MSI2: variants seen among roughly 807,000 people sequenced by gnomAD.
MSI2 encodes musashi RNA binding protein 2.
Under a neutral mutation model 45.6 loss-of-function variants are expected in MSI2, and 17 were observed. That is an observed-to-expected ratio of 0.37 (90% CI 0.26 to 0.56). The LOEUF (loss-of-function observed/expected upper bound fraction) is 0.56. MSI2 is among the 20% of genes least tolerant of loss of function. The pLI is 0.77. For missense variants in MSI2, 293 were observed against 444.2 expected (o/e 0.66, Z 3.06); for synonymous variants, 156 against 158.2 (o/e 0.99, Z 0.11).
At chr17:57,697,325 C>T in the MSI2 span, among the ~76,000 whole-genome samples, 1 of 151,916 alleles carries the variant, frequency 6.6e-6, no homozygotes, top group East Asian at 1.9e-4. Context: ...ACTCACTTTA[C>T]TCACACTCAG....
At chr17:57,541,989 G>A (rs1209050597) in intron 7 of MSI2, among the ~76,000 whole-genome samples, 1 of 152,162 alleles carries the variant, frequency 6.6e-6, no homozygotes. Flanking sequence ...GCTGACATCC[G>A]ATTTATTATC....
chr17:57,270,526 AT>A (rs1489149870), intron 5 of MSI2, among the ~76,000 whole-genome samples: 1 of 152,192 alleles, frequency 6.6e-6, no homozygotes, highest in African/African-American at 2.4e-5. Flanking sequence ...CTTCAGGTTA[AT>A]TTTTGTTACC....
intron 5 of MSI2, among the ~76,000 whole-genome samples, chr17:57,386,047 TG>T (rs1246517214): frequency 6.6e-6 from 1 of 152,204 alleles, no homozygotes; most frequent in Non-Finnish European, 1.5e-5. Context: ...TGAATGCCAG[TG>T]GTTTCTGGCC....
chr17:57,623,429 C>G (rs1401453931), intron 9 of MSI2, among the ~76,000 whole-genome samples: 1 of 152,142 alleles, frequency 6.6e-6, no homozygotes, highest in African/African-American at 2.4e-5. Flanking sequence ...GATCTAGAAC[C>G]AGAACCACAG....
chr17:57,675,067 G>C lies in MSI2; in HGVS notation c.886G>C (p.Gly296Arg). The change falls in exon 12 of 14, where the codon GGG (glycine) becomes CGG (arginine). Residue 296 changes from glycine (G) to arginine (R), a missense_variant. Transcript: ENST00000284073. The stretch of plus-strand genomic sequence containing the variant: ...CCCTGCCAGCCAGGACTCCGGAGTG[G>C]GGAATTACATAAGTGCGGCCAGCCC... ...YGPASQDSGV[G>R]NYISAASPQP... is the part of the protein sequence containing the mutation. 6.2e-7 allele frequency: 1 copy of C among 1,614,122 alleles called. No homozygotes were observed. The highest frequency in any genetic ancestry group is 1.1e-5 in the South Asian group (1 of 91,078).
chr17:57,671,929 G>A (rs941115458), intron 11 of MSI2, among the ~76,000 whole-genome samples: 1 of 152,208 alleles, frequency 6.6e-6, no homozygotes, highest in Non-Finnish European at 1.5e-5. Flanking sequence ...TCTGCTCACA[G>A]AGACAGACAG....
rs73992103 is a variant in MSI2, at chr17:57,621,044, T to A, written c.652+4960T>A. On this transcript the variant is annotated intron_variant, in intron 9 of 13. Transcript: ENST00000284073. ...ACTCTCTAAGCGAGGAGACTGCCATTTGCTGTGCTATGATGGAAGCCCTTG... is the reference window on the plus strand; with the variant it reads ...ACTCTCTAAGCGAGGAGACTGCCATATGCTGTGCTATGATGGAAGCCCTTG... 9.3e-3 allele frequency among the ~76,000 whole-genome samples: 1,412 copies of A among 152,336 alleles called. 16 individuals are homozygous for A. The highest frequency in any genetic ancestry group is 0.032 in the African/African-American group (1,324 of 41,572).
intron 11 of MSI2, among the ~76,000 whole-genome samples, chr17:57,660,317 G>A (rs1026326262): frequency 6.6e-6 from 1 of 152,180 alleles, no homozygotes; most frequent in Non-Finnish European, 1.5e-5. Flanking sequence ...CTAAGGCTGG[G>A]GTTACAAAAC....
chr17:57,454,940 T>C (rs572137534), intron 6 of MSI2, among the ~76,000 whole-genome samples: 1 of 152,344 alleles, frequency 6.6e-6, no homozygotes, highest in Admixed American at 6.5e-5. Flanking sequence ...ATACCAGCCC[T>C]GCCTGCTGCT....
At chr17:57,329,672 C>T (rs888694835) in intron 5 of MSI2, among the ~76,000 whole-genome samples, 14 of 152,118 alleles carry the variant, frequency 9.2e-5, no homozygotes, top group African/African-American at 3.1e-4. Context: ...TGTCCTTCTT[C>T]TCTCCCTCTT....
intron 6 of MSI2, among the ~76,000 whole-genome samples, chr17:57,526,852 T>C (rs771691064): frequency 2.0e-5 from 3 of 151,976 alleles, no homozygotes; most frequent in Non-Finnish European, 4.4e-5. Context: ...ATTCAGGAGG[T>C]CTTTGCGAGC....
At chr17:57,549,161 C>T (rs781029884) in intron 7 of MSI2, among the ~76,000 whole-genome samples, 27 of 152,146 alleles carry the variant, frequency 1.8e-4, no homozygotes, top group Non-Finnish European at 2.8e-4. Context: ...AGGCGTGAGC[C>T]GCCGGGCGCC....
At chr17:57,604,892 G>A in intron 8 of MSI2, among the ~76,000 whole-genome samples, 1 of 150,648 alleles carries the variant, frequency 6.6e-6, no homozygotes, top group Admixed American at 6.6e-5. Context: ...ACTCCTTCCA[G>A]CTGCTCCTCC....
rs1157370784 is a variant in MSI2, at chr17:57,596,235, A to G, written c.455-633A>G. Among the ~76,000 whole-genome samples, 1 of 152,264 alleles carries G rather than the reference A, an allele frequency of 6.6e-6. No homozygotes were observed. The highest frequency in any genetic ancestry group is 1.9e-4 in the East Asian group (1 of 5,206). ...TTGTCTAGCAAAGCCGGTCTCCAGC[A>G]GAGTACATACAGTGGATAGCTGACG... is the stretch of plus-strand genomic sequence containing the variant. On this transcript the variant is annotated intron_variant, in intron 7 of 13. Transcript: ENST00000284073. This position sits in a 1 kb window ranked among gnomAD's most constrained non-coding sequence, Gnocchi z 4.6.
At chr17:57,650,075 A>G (rs1911017441) in intron 10 of MSI2, among the ~76,000 whole-genome samples, 1 of 152,126 alleles carries the variant, frequency 6.6e-6, no homozygotes, top group Non-Finnish European at 1.5e-5. Context: ...GAGATTAAGG[A>G]TAATGGATTT....
intron 6 of MSI2, among the ~76,000 whole-genome samples, chr17:57,422,285 C>T (rs1301648632): frequency 6.6e-6 from 1 of 152,088 alleles, no homozygotes; most frequent in Non-Finnish European, 1.5e-5. Flanking sequence ...TATGGTGAAA[C>T]CCCATCTCTA....
At chr17:57,391,496 T>C (rs1050759053) in intron 5 of MSI2, among the ~76,000 whole-genome samples, 2 of 152,172 alleles carry the variant, frequency 1.3e-5, no homozygotes, top group African/African-American at 4.8e-5. Flanking sequence ...TATTGTTGTA[T>C]TTGCATCATT....
chr17:57,627,401 G>A lies in MSI2; in HGVS notation c.727+98G>A. 9.6e-7 allele frequency: 1 copy of A among 1,037,058 alleles called. No homozygotes were observed. The highest frequency in any genetic ancestry group is 1.3e-5 in the South Asian group (1 of 77,952). The allele number at this position is 1,037,058 out of a possible 1,614,324, so 64.2% of individuals were successfully genotyped here. Reference sequence around the variant, plus strand: ...CCTAAAGAGAATGCATTTCTTACATGCATCCACTTGAAAATGACCTATACA... The same window carrying A: ...CCTAAAGAGAATGCATTTCTTACATACATCCACTTGAAAATGACCTATACA... On this transcript the variant is annotated intron_variant, in intron 10 of 13. Transcript: ENST00000284073. This position sits in a 1 kb window ranked among gnomAD's most constrained non-coding sequence, Gnocchi z 4.6.
chr17:57,311,220 G>C (rs1912374083), intron 5 of MSI2, among the ~76,000 whole-genome samples: 1 of 152,194 alleles, frequency 6.6e-6, no homozygotes, highest in Non-Finnish European at 1.5e-5. Flanking sequence ...TAGCTGTTGA[G>C]ACCAGTCATG....
Sources: allele counts gnomAD v4.1 joint callset (sites outside exome capture counted in the v4.1 genomes callset), GRCh38; gene constraint gnomAD v4.1.1; non-coding constraint Gnocchi (gnomAD v3.1); transcripts MANE v1.5; gene names NCBI Gene and HGNC (gene_info 2026-07-23, HGNC 2026-07-21).